Variants in UBR4 observed in about 807,000 individuals in gnomAD.
UBR4 encodes E3 ubiquitin-protein ligase UBR4.
UBR4 carries 124 observed loss-of-function variants against 575.6 expected under a neutral mutation model. The observed-to-expected ratio is 0.22, with a 90% CI of 0.19 to 0.25. The LOEUF (loss-of-function observed/expected upper bound fraction) is 0.25. Ranked by LOEUF, UBR4 falls within the 10% of genes least tolerant of loss-of-function variation. The pLI is 1.00. For synonymous variants in UBR4, 2,455 were observed against 2,473.7 expected, an observed-to-expected ratio of 0.99 and a Z score of 0.22; for missense variants, 4,818 against 6,478.8, an observed-to-expected ratio of 0.74 and a Z score of 8.80.
intron 101 of UBR4, among the ~76,000 whole-genome samples, chr1:19,085,450 AG>A (rs1376366330): frequency 6.6e-6 from 1 of 152,216 alleles, no homozygotes; most frequent in Non-Finnish European, 1.5e-5. Flanking sequence ...TTAACCTGGG[AG>A]GCGGAGGCTG....
chr1:19,204,708 C>T (rs114156182), intron 1 of UBR4, among the ~76,000 whole-genome samples: 48 of 152,066 alleles, frequency 3.2e-4, no homozygotes, highest in African/African-American at 1.1e-3. Flanking sequence ...AAAAATGGAA[C>T]GGTCTTCAGC....
chr1:19,106,944 G>A lies in UBR4; in HGVS notation c.12128C>T (p.Thr4043Ile). 3 of 1,612,516 alleles carry A rather than the reference G, an allele frequency of 1.9e-6. No homozygotes were observed. Among genetic ancestry groups the A allele is most frequent in the Middle Eastern group, 2.1e-4 (1 of 4,810 alleles). ...KNKDVPVEAL[T>I]TVKPYCNEIH... ...CTCATTGCAGTATGGCTTCACCGTG[G>A]TGAGGGCCTCAACGGGGACATCCTG... Residue 4043 changes from threonine (T) to isoleucine (I), a missense_variant, in exon 82 of 106, where the codon ACC becomes ATC. Thr to Ile is a moderately conservative substitution (Grantham distance 89). Around this residue, in one of 29 missense-constraint regions of UBR4, gnomAD observed 333 missense variants for 459.2 expected, o/e 0.73. Transcript: ENST00000375254.
chr1:19,104,371 T>C, intron 86 of UBR4, 114 bp from the exon 87 acceptor site: 1 of 1,356,374 alleles, frequency 7.4e-7, no homozygotes. Flanking sequence ...TCTTTGTGCA[T>C]GGCACAGAGC....
At chr1:19,119,019 C>CT in intron 70 of UBR4, 62 bp from the exon 71 acceptor site, 1 of 1,513,808 alleles carries the variant, frequency 6.6e-7, no homozygotes, top group East Asian at 2.3e-5. Flanking sequence ...TTGGAAAAGA[C>CT]TTTTGTCTTC....
intron 60 of UBR4, among the ~76,000 whole-genome samples, chr1:19,134,136 T>C (rs1358706600): frequency 7.2e-6 from 1 of 139,638 alleles, no homozygotes; most frequent in Non-Finnish European, 1.5e-5. Flanking sequence ...CTGGGCATGG[T>C]GGCAAGCACC....
At chr1:19,187,564 C>T (rs2091665253) in intron 11 of UBR4, 24 bp from the exon 12 acceptor site, 3 of 1,602,890 alleles carry the variant, frequency 1.9e-6, no homozygotes, top group South Asian at 1.1e-5. Context: ...AAGGAAAACA[C>T]AATCCTTAAA....
Position 19,106,624 on chromosome 1 carries a change from C to T in UBR4, c.12338G>A (p.Gly4113Glu). 1 of 1,604,250 alleles carries T rather than the reference C, an allele frequency of 6.2e-7. No homozygotes were observed. ...GAGATCCAAGGGGGAGGTCCTCTTC[C>T]CCCGACGACTCAGGAACTGTTTCCA... ...WRWKQFLSRRGKRTSPLDLKL... is the reference protein window; with the variant it reads ...WRWKQFLSRREKRTSPLDLKL... Residue 4113 changes from glycine (G) to glutamate (E), a missense_variant, in exon 83 of 106, where the codon GGG becomes GAG. Around this residue, in one of 29 missense-constraint regions of UBR4, gnomAD observed 178 missense variants for 175.5 expected, o/e 1.01. Coordinates refer to ENST00000375254, the MANE Select transcript of UBR4 (RefSeq NM_020765.3).
chr1:19,170,035 T>C (rs1339374917), intron 26 of UBR4, among the ~76,000 whole-genome samples: 1 of 152,074 alleles, frequency 6.6e-6, no homozygotes, highest in Non-Finnish European at 1.5e-5. Context: ...ATACAAACGA[T>C]TGATTGTAAA....
In UBR4 at chr1:19,179,182, A is replaced by C; in HGVS notation, c.2223T>G (p.Ser741=). The stretch of plus-strand genomic sequence containing the variant: ...GAATGTACAAGGGCCAAGGGCCCTC[A>C]GAAAAAGGAGCCACTCCTAGCTGCT... ...LLQQLGVAPF[S]EGPWPLYIHP... is the part of the protein sequence containing the mutation. The change falls in exon 18 of 106, where the codon TCT becomes TCG. Residue 741 remains serine, a synonymous_variant. Transcript: ENST00000375254. 6.3e-7 allele frequency: 1 copy of C among 1,590,298 alleles called. No homozygotes were observed.
chr1:19,151,509 A>C (rs1419337216), intron 48 of UBR4, 134 bp downstream of exon 48: 9 of 964,364 alleles, frequency 9.3e-6, no homozygotes, highest in South Asian at 7.1e-5. Flanking sequence ...AATGAAGCTC[A>C]AAGTTTCCTG....
rs2076124315 is a variant in UBR4, at chr1:19,077,987, T to C, written c.15313A>G (p.Asn5105Asp). The C allele has an allele frequency of 6.2e-7, 1 of 1,613,986 alleles. No homozygotes were observed. Among genetic ancestry groups the C allele is most frequent in the South Asian group, 1.1e-5 (1 of 91,074 alleles). Residue 5105 changes from asparagine to aspartate, a missense_variant, in exon 104 of 106, where the codon AAC becomes GAC. Around this residue, in one of 29 missense-constraint regions of UBR4, gnomAD observed 212 missense variants for 221.3 expected, o/e 0.96. Coordinates refer to ENST00000375254, the MANE Select transcript of UBR4 (RefSeq NM_020765.3). ...GACAGCCTCCTTACCTTAAACATGT[T>C]GTAAATGAGATCGACGAGGGCCCAA... ...LFWALVDLIYNMFKKVPTSNT... is the reference protein window; with the variant it reads ...LFWALVDLIYDMFKKVPTSNT...
intron 34 of UBR4, among the ~76,000 whole-genome samples, chr1:19,163,270 C>T (rs1050344259): frequency 1.3e-5 from 2 of 152,182 alleles, no homozygotes; most frequent in Non-Finnish European, 2.9e-5. Flanking sequence ...GCCACCTATG[C>T]CAGTTCATGG....
At chr1:19,161,506 G>A (rs1250195042) in intron 37 of UBR4, 83 bp downstream of exon 37, 9 of 1,510,136 alleles carry the variant, frequency 6.0e-6, no homozygotes, top group Admixed American at 2.2e-5. Context: ...TATCCTGGAG[G>A]TGATGGGAAT....
In UBR4 at chr1:19,148,080, G is replaced by A. The variant is rs754718432; in HGVS notation, c.7542C>T (p.Ser2514=). 5 of 1,611,152 alleles carry A rather than the reference G, an allele frequency of 3.1e-6. No individual in the cohort carries two copies. Among genetic ancestry groups the A allele is most frequent in the East Asian group, 2.2e-5 (1 of 44,858 alleles). The part of the protein sequence containing the change: ...AAQELATLLL[S]LPAPASVQQQ... Reference sequence around the variant, plus strand: ...GCTGGACACTGGCAGGTGCTGGCAGGGACAACAGCAAAGTGGCCAGCTCCT... The same window carrying A: ...GCTGGACACTGGCAGGTGCTGGCAGAGACAACAGCAAAGTGGCCAGCTCCT... Residue 2514 remains serine, a synonymous_variant, in exon 51 of 106, where the codon TCC becomes TCT. Transcript: ENST00000375254.
chr1:19,161,538 T>A, intron 37 of UBR4, 51 bp downstream of exon 37: 3 of 1,541,916 alleles, frequency 1.9e-6, no homozygotes, highest in Non-Finnish European at 2.6e-6. Flanking sequence ...GCTTCAGTAA[T>A]CCCGTGTCAC....
rs553276754 is a variant in UBR4 at position 19,184,044 on chromosome 1, G to A, written c.2070C>T (p.Ile690=). ...TGAGTCCATCTTTGTCCACCTCCTT[G>A]ATGATACTGGCTAGGGTGGCCATAT... ...EHHMATLASI[I]KEVDKDGLKG... is the part of the protein sequence containing the mutation. Residue 690 remains isoleucine, a synonymous_variant, in exon 16 of 106, where the codon ATC becomes ATT. Transcript: ENST00000375254. 6.2e-7 allele frequency: 1 copy of A among 1,614,146 alleles called. No individual in the cohort carries two copies. The highest frequency in any genetic ancestry group is 1.7e-5 in the Admixed American group (1 of 60,028).
intron 26 of UBR4, among the ~76,000 whole-genome samples, chr1:19,170,311 A>T (rs60319201): frequency 6.6e-6 from 1 of 152,162 alleles, no homozygotes; most frequent in Non-Finnish European, 1.5e-5. Flanking sequence ...CGGCAGGGGG[A>T]CTGCTTCAAC....
In UBR4 at chr1:19,148,041, G is replaced by A. The variant is rs1169049639; in HGVS notation, c.7581C>T (p.Ser2527=). 1.2e-6 allele frequency: 2 copies of A among 1,612,552 alleles called. No individual in the cohort carries two copies. The highest frequency in any genetic ancestry group is 2.7e-5 in the African/African-American group (2 of 74,902). ...GGCTGGTGTGCAGGCTGGCCAGAAG[G>A]CTCTTGGACTGCTGCTGGACACTGG... ...APASVQQQSK[S]LLASLHTSRS... is the part of the protein sequence containing the mutation. The change falls in exon 51 of 106, where the codon AGC becomes AGT. Residue 2527 remains serine, a synonymous_variant. Coordinates refer to ENST00000375254, the MANE Select transcript of UBR4 (RefSeq NM_020765.3).
At chr1:19,137,738 T>G (rs1390558747) in intron 60 of UBR4, among the ~76,000 whole-genome samples, 1 of 152,210 alleles carries the variant, frequency 6.6e-6, no homozygotes, top group Non-Finnish European at 1.5e-5. Flanking sequence ...CATGTTTTTA[T>G]GACAATCACT....
Sources: allele counts gnomAD v4.1 joint callset (sites outside exome capture counted in the v4.1 genomes callset), GRCh38; gene constraint gnomAD v4.1.1; regional missense constraint gnomAD v4.1.1; transcripts MANE v1.5; gene names NCBI Gene and HGNC (gene_info 2026-07-23, HGNC 2026-07-21).